DDX17: variants seen among roughly 807,000 people sequenced by gnomAD.
DDX17 encodes the protein DEAD-box helicase 17.
A neutral mutation model predicts 80.8 loss-of-function variants in DDX17; 10 were observed. That is an observed-to-expected ratio of 0.12 (90% CI 0.08 to 0.21). The LOEUF (loss-of-function observed/expected upper bound fraction) is 0.21. Ranked by LOEUF, DDX17 falls within the 10% of genes least tolerant of loss-of-function variation. DDX17 has a pLI of 1.00. For synonymous variants in DDX17, 339 were observed against 336.2 expected (o/e 1.01, Z -0.09); for missense variants, 586 against 957.4 (o/e 0.61, Z 5.12).
chr22:38,492,170 G>A lies in DDX17; in HGVS notation c.1388-55C>T, dbSNP rs79876278. The stretch of plus-strand genomic sequence containing the variant: ...ATAAGCATTCCTTGCTATCTGATCT[G>A]TTTACATAACCATGTTAAAATTTCA... On this transcript the variant is annotated intron_variant, in intron 10 of 12. Transcript: ENST00000403230. 7,801 of 1,438,804 alleles carry A rather than the reference G, an allele frequency of 5.4e-3. 352 individuals are homozygous for A. In the African/African-American group the frequency reaches 0.097, roughly 18 times the overall value. 89.1% of individuals were successfully genotyped at this position (1,438,804 alleles called of 1,614,324 possible). A position where few individuals can be genotyped will look rare whatever the true frequency, so the allele number is the denominator to read the frequency against.
At chr22:38,501,511 T>A (rs2089830396) in intron 1 of DDX17, among the ~76,000 whole-genome samples, 1 of 152,140 alleles carries the variant, frequency 6.6e-6, no homozygotes, top group South Asian at 2.1e-4. Flanking sequence ...AAATTAAAAA[T>A]CCCTTTATTG....
At chr22:38,497,373 T>C (rs2089779550) in intron 5 of DDX17, among the ~76,000 whole-genome samples, 1 of 144,204 alleles carries the variant, frequency 6.9e-6, no homozygotes, top group African/African-American at 2.6e-5. Context: ...TCCCAGCACC[T>C]TGGGGAGGCC....
At chr22:38,498,675 C>T in intron 3 of DDX17, 102 bp from the exon 4 acceptor site, 2 of 1,268,918 alleles carry the variant, frequency 1.6e-6, no homozygotes, top group South Asian at 2.7e-5. Flanking sequence ...ATTTACCCAG[C>T]TTCATCTCTC....
intron 12 of DDX17, 115 bp downstream of exon 12, chr22:38,487,764 T>G (rs2089674744): frequency 3.8e-6 from 4 of 1,053,650 alleles, no homozygotes; most frequent in Non-Finnish European, 5.8e-6. Flanking sequence ...GCAGTGTCCT[T>G]TGCTATTAAG....
chr22:38,488,970 G>A, intron 11 of DDX17: 2 of 985,384 alleles, frequency 2.0e-6, no homozygotes, highest in Non-Finnish European at 2.4e-6. Context: ...TGAGACACAA[G>A]TTTAGTATTC....
intron 1 of DDX17, among the ~76,000 whole-genome samples, chr22:38,502,757 T>G (rs1333334553): frequency 6.6e-6 from 1 of 152,216 alleles, no homozygotes; most frequent in African/African-American, 2.4e-5. Context: ...AGGTCTTTGT[T>G]TGGCATACAA....
Position 38,486,290 on chromosome 22 carries a change from C to A in DDX17, c.1835G>T (p.Gly612Val). 1 of 1,614,204 alleles carries A rather than the reference C, an allele frequency of 6.2e-7. No individual in the cohort carries two copies. The highest frequency in any genetic ancestry group is 2.2e-5 in the East Asian group (1 of 44,886). The change falls in exon 13 of 13, where the codon GGT (glycine) becomes GTT (valine). Residue 612 changes from glycine (G) to valine (V), a missense_variant. By Grantham distance (109) the Gly-to-Val change is moderately radical. Around this residue, in one of 4 missense-constraint regions of DDX17, gnomAD observed 221 missense variants for 261.4 expected, o/e 0.85. Coordinates refer to ENST00000403230, the MANE Select transcript of DDX17 (RefSeq NM_006386.5). ...TCCATAGCCACTGCCATTAGCATAA[C>A]CAGCTCTATCGGTTTCACTACGATC...
intron 1 of DDX17, 67 bp from the exon 2 acceptor site, chr22:38,501,347 A>C: frequency 6.6e-7 from 1 of 1,518,078 alleles, no homozygotes; most frequent in South Asian, 1.3e-5. Flanking sequence ...TGCCATAAGA[A>C]TATTCAAAAA....
At chr22:38,490,113 C>A in intron 11 of DDX17, 1 of 1,142,042 alleles carries the variant, frequency 8.8e-7, no homozygotes, top group Non-Finnish European at 1.1e-6. Flanking sequence ...GCATGCACAG[C>A]TGGATGGGGG....
At chr22:38,499,995 T>C (rs973953179) in intron 2 of DDX17, among the ~76,000 whole-genome samples, 1 of 149,782 alleles carries the variant, frequency 6.7e-6, no homozygotes, top group African/African-American at 2.5e-5. Context: ...TGAAACTCCG[T>C]CTCTACTGAA....
In DDX17 at chr22:38,483,699, T is replaced by C. The variant is rs557835326; in HGVS notation, c.*2236A>G. ...CCACACAACGAATTGTTAGGGAGGA[T>C]TGGGGAGAAGCAGCCCATTGCTTAA... On this transcript the variant is annotated 3_prime_UTR_variant, in exon 13 of 13. Transcript: ENST00000403230. 3.9e-5 allele frequency: 6 copies of C among 152,468 alleles called. No homozygotes were observed. The highest frequency in any genetic ancestry group is 9.7e-5 in the African/African-American group (4 of 41,432). The allele number at this position is 152,468 out of a possible 1,614,324, so 9.4% of individuals were successfully genotyped here.
intron 2 of DDX17, among the ~76,000 whole-genome samples, chr22:38,500,001 C>T (rs889845441): frequency 6.7e-6 from 1 of 149,060 alleles, no homozygotes; most frequent in South Asian, 2.1e-4. Context: ...TCCGTCTCTA[C>T]TGAAAAAAAA....
chr22:38,485,760 A>T lies in DDX17; in HGVS notation c.*175T>A. ...TTTTGGTGGGCAGAAGAAACCTGGC[A>T]GTGAATTCTAACTAATCTGCATGAA... On this transcript the variant is annotated 3_prime_UTR_variant, in exon 13 of 13. Coordinates refer to ENST00000403230, the MANE Select transcript of DDX17 (RefSeq NM_006386.5). 1 of 867,564 alleles carries T rather than the reference A, an allele frequency of 1.2e-6. No individual in the cohort carries two copies. The highest frequency in any genetic ancestry group is 1.6e-6 in the Non-Finnish European group (1 of 626,120). The allele number at this position is 867,564 out of a possible 1,614,324, so 53.7% of individuals were successfully genotyped here. A position where few individuals can be genotyped will look rare whatever the true frequency, so the allele number is the denominator to read the frequency against.
chr22:38,491,497 G>C (rs2089713283), intron 11 of DDX17: 1 of 152,128 alleles, frequency 6.6e-6, no homozygotes, highest in African/African-American at 2.4e-5. Flanking sequence ...GGTAGGAGGG[G>C]ATAGCCAAGT....
In DDX17 at chr22:38,483,486, G is replaced by C. The variant is rs1372275525; in HGVS notation, c.*2449C>G. 6.6e-6 allele frequency: 1 copy of C among 152,592 alleles called. No individual in the cohort carries two copies. The allele number at this position is 152,592 out of a possible 1,614,324, so 9.5% of individuals were successfully genotyped here. On this transcript the variant is annotated 3_prime_UTR_variant, in exon 13 of 13. Coordinates refer to ENST00000403230, the MANE Select transcript of DDX17 (RefSeq NM_006386.5). ...TATACCTACAAAAAGAAAACAAGAT[G>C]ATGGTATCAAAAGGACAATTTACAA...
At chr22:38,493,538 A>C (rs2089733016) in intron 10 of DDX17, 172 bp downstream of exon 10, 1 of 609,376 alleles carries the variant, frequency 1.6e-6, no homozygotes, top group South Asian at 2.1e-5. Flanking sequence ...TTTTGTCCTA[A>C]AACAGCAGTG....
intron 1 of DDX17, among the ~76,000 whole-genome samples, chr22:38,503,234 A>G (rs552809576): frequency 1.3e-5 from 2 of 152,344 alleles, no homozygotes; most frequent in East Asian, 3.9e-4. Flanking sequence ...CCACACTTGC[A>G]AATGAAGCAG....
intron 12 of DDX17, among the ~76,000 whole-genome samples, chr22:38,487,420 A>C (rs1319871361): frequency 1.3e-5 from 2 of 152,128 alleles, no homozygotes; most frequent in African/African-American, 2.4e-5. Context: ...GGAGTTCGAG[A>C]CCAGCCAGGC....
At position 38,487,849 on chromosome 22, in the gene DDX17, T is replaced by C. The variant is rs149654729; in HGVS notation, c.1684+30A>G. On this transcript the variant is annotated intron_variant, in intron 12 of 12. Coordinates refer to ENST00000403230, the MANE Select transcript of DDX17 (RefSeq NM_006386.5). Reference sequence around the variant, plus strand: ...AAGGCGTAAAGAGATACCTTGGCAGTACCTGGAAAACTCCAGGACTTACCC... The same window carrying C: ...AAGGCGTAAAGAGATACCTTGGCAGCACCTGGAAAACTCCAGGACTTACCC... The C allele has an allele frequency of 4.8e-5, 78 of 1,612,632 alleles. No homozygotes were observed. In the African/African-American group the frequency reaches 7.7e-4, roughly 16 times the overall value.
Sources: allele counts gnomAD v4.1 joint callset (sites outside exome capture counted in the v4.1 genomes callset), GRCh38; gene constraint gnomAD v4.1.1; regional missense constraint gnomAD v4.1.1; transcripts MANE v1.5; gene names NCBI Gene and HGNC (gene_info 2026-07-23, HGNC 2026-07-21).